The following FAM210A variants were observed in gnomAD, a reference collection of about 807,000 sequenced individuals.
FAM210A encodes the protein mitochondrial inner membrane scaffold 1.
A neutral mutation model predicts 25.3 loss-of-function variants in FAM210A; 13 were observed. The ratio of observed to expected loss-of-function variants is 0.51; its 90% CI spans 0.33 to 0.82. FAM210A has a LOEUF of 0.82. Among genes scored for constraint, FAM210A ranks in the 40% least tolerant of loss-of-function variants. The pLI is 0.02. For missense variants in FAM210A, 319 were observed against 323.2 expected (o/e 0.99, Z 0.10); for synonymous variants, 125 against 118.7 (o/e 1.05, Z -0.35).
intron 1 of FAM210A, among the ~76,000 whole-genome samples, chr18:13,721,276 C>A (rs1027322233): frequency 6.6e-6 from 1 of 152,114 alleles, no homozygotes; most frequent in African/African-American, 2.4e-5. Context: ...GATACTAAGA[C>A]AAAGCACTCA....
chr18:13,695,350 C>A (rs1025593715), intron 1 of FAM210A, among the ~76,000 whole-genome samples: 5 of 152,244 alleles, frequency 3.3e-5, no homozygotes, highest in South Asian at 2.1e-4. Context: ...TTGACCCAGC[C>A]ATCCCATTAC....
intron 3 of FAM210A, among the ~76,000 whole-genome samples, chr18:13,668,825 G>A (rs2043420905): frequency 6.6e-6 from 1 of 152,158 alleles, no homozygotes. Context: ...AAAAGTTACA[G>A]TAAAAATATG....
chr18:13,678,928 A>G (rs1204318459), intron 2 of FAM210A, among the ~76,000 whole-genome samples: 1 of 152,264 alleles, frequency 6.6e-6, no homozygotes, highest in Non-Finnish European at 1.5e-5. Flanking sequence ...CAGGGACCAC[A>G]TCATCATTGC....
intron 1 of FAM210A, among the ~76,000 whole-genome samples, chr18:13,694,560 C>T (rs1601955715): frequency 6.6e-6 from 1 of 152,118 alleles, no homozygotes; most frequent in South Asian, 2.1e-4. Flanking sequence ...GGAAATAATA[C>T]CACATATCTA....
At chr18:13,701,066 A>G (rs1045147909) in intron 1 of FAM210A, among the ~76,000 whole-genome samples, 1 of 152,202 alleles carries the variant, frequency 6.6e-6, no homozygotes, top group Non-Finnish European at 1.5e-5. Context: ...ACTCCTTTAA[A>G]TGTAATCCAG....
In FAM210A at chr18:13,674,177, C is replaced by CCCTG. The variant is rs1295667174; in HGVS notation, c.474-2208_474-2205dup. Among the ~76,000 whole-genome samples, 62 of 149,016 alleles carry CCCTG rather than the reference C, an allele frequency of 4.2e-4. No homozygotes were observed. In the South Asian group the frequency reaches 0.013, roughly 32 times the overall value. ...TTTCCTGATTATTAACATTCCTGAGCCCTGGCTTCTTTATTTCCTGTTTCC... is the reference window on the plus strand; with the variant it reads ...TTTCCTGATTATTAACATTCCTGAGCCCTGCCTGGCTTCTTTATTTCCTGTTTCC... On this transcript the variant is annotated intron_variant, in intron 2 of 3. Transcript: ENST00000651643.
At chr18:13,692,549 ACTGT>A (rs1375005038) in intron 1 of FAM210A, among the ~76,000 whole-genome samples, 1 of 152,204 alleles carries the variant, frequency 6.6e-6, no homozygotes, top group East Asian at 1.9e-4. Context: ...ATTATAACAA[ACTGT>A]CTCTCAGACC....
chr18:13,715,043 A>G (rs1417586745), intron 1 of FAM210A: 1 of 152,168 alleles, frequency 6.6e-6, no homozygotes, highest in African/African-American at 2.4e-5. Flanking sequence ...TAACCTAGTT[A>G]TATAATGTAC....
chr18:13,711,614 T>C (rs1430195146), intron 1 of FAM210A, among the ~76,000 whole-genome samples: 1 of 152,206 alleles, frequency 6.6e-6, no homozygotes, highest in Non-Finnish European at 1.5e-5. Context: ...AGCTCCTTTC[T>C]TCTGCTTTTC....
intron 3 of FAM210A, among the ~76,000 whole-genome samples, chr18:13,670,329 A>C (rs1035961732): frequency 1.3e-5 from 2 of 152,242 alleles, no homozygotes; most frequent in Non-Finnish European, 2.9e-5. Flanking sequence ...CCATAATTAG[A>C]AACTTGATAA....
intron 2 of FAM210A, 80 bp from the exon 3 acceptor site, chr18:13,672,053 A>C: frequency 1.0e-6 from 1 of 964,960 alleles, no homozygotes; most frequent in Non-Finnish European, 1.6e-6. Flanking sequence ...TACCAAAACC[A>C]CACTATAATT....
At position 13,666,542 on chromosome 18, in the gene FAM210A, T is replaced by C; in HGVS notation, c.757A>G (p.Arg253Gly). The change falls in exon 4 of 4, where the codon AGA (arginine) becomes GGA (glycine). Residue 253 changes from arginine (R) to glycine (G), a missense_variant. By Grantham distance (125) the Arg-to-Gly change is moderately radical. Coordinates refer to ENST00000651643, the MANE Select transcript of FAM210A (RefSeq NM_152352.4). The part of the protein sequence containing the change: ...ITEKMEETKD[R>G]LTEKLQETKE... ...GTTTCTTGTAACTTTTCAGTGAGTC[T>C]ATCTTTTGTTTCTTCCATTTTCTCT... 6.2e-7 allele frequency: 1 copy of C among 1,614,238 alleles called. No homozygotes were observed. The highest frequency in any genetic ancestry group is 8.5e-7 in the Non-Finnish European group (1 of 1,180,042).
rs547468481 is a variant in FAM210A, at chr18:13,720,772, C to T, written c.-29+5557G>A. On this transcript the variant is annotated intron_variant, in intron 1 of 3. Coordinates refer to ENST00000651643, the MANE Select transcript of FAM210A (RefSeq NM_152352.4). ...TTACAAAACAGAAATGTACTGTCTCCAGCTCTGGGGTTAGAAGTCCAAGAT... is the reference window on the plus strand; with the variant it reads ...TTACAAAACAGAAATGTACTGTCTCTAGCTCTGGGGTTAGAAGTCCAAGAT... 8.5e-5 allele frequency among the ~76,000 whole-genome samples: 13 copies of T among 152,278 alleles called. No homozygotes were observed. The South Asian group carries it at 2.7e-3, about 32-fold the overall frequency.
At chr18:13,692,442 A>T (rs1388500920) in intron 1 of FAM210A, among the ~76,000 whole-genome samples, 1 of 152,226 alleles carries the variant, frequency 6.6e-6, no homozygotes, top group Non-Finnish European at 1.5e-5. Flanking sequence ...CCAAATCAAC[A>T]GAATATACAT....
intron 2 of FAM210A, among the ~76,000 whole-genome samples, chr18:13,677,136 G>A (rs376442959): frequency 1.9e-4 from 29 of 150,500 alleles, no homozygotes; most frequent in African/African-American, 6.6e-4. Flanking sequence ...GTGCAGTGGC[G>A]CAATCTCGGC....
rs2043515568 is a variant in FAM210A at position 13,677,505 on chromosome 18, C to T, written c.473+4100G>A. Among the ~76,000 whole-genome samples the T allele has an allele frequency of 2.0e-5, 3 of 152,226 alleles. No homozygotes were observed. In the South Asian group the frequency reaches 6.2e-4, roughly 31 times the overall value. ...CAGAACAGAACAGAACACAACACAA[C>T]AGAACAGAACAGGGATTTTCACAGT... On this transcript the variant is annotated intron_variant, in intron 2 of 3. Coordinates refer to ENST00000651643, the MANE Select transcript of FAM210A (RefSeq NM_152352.4).
At chr18:13,685,180 C>T (rs2043586345) in intron 1 of FAM210A, among the ~76,000 whole-genome samples, 1 of 152,054 alleles carries the variant, frequency 6.6e-6, no homozygotes, top group South Asian at 2.1e-4. Context: ...ATATAAATGG[C>T]TACTTTCCAA....
chr18:13,672,388 T>G (rs1250033470), intron 2 of FAM210A, among the ~76,000 whole-genome samples: 2 of 152,226 alleles, frequency 1.3e-5, no homozygotes, highest in Non-Finnish European at 2.9e-5. Flanking sequence ...ATTTTTACCT[T>G]TAAAATTACA....
chr18:13,671,636 C>T (rs1016132125), intron 3 of FAM210A, among the ~76,000 whole-genome samples: 2 of 151,100 alleles, frequency 1.3e-5, no homozygotes, highest in Non-Finnish European at 2.9e-5. Flanking sequence ...TTGCAGTGAG[C>T]CGAGATGGCA....
Sources: gnomAD v4.1 joint callset for allele counts (sites outside exome capture counted in the v4.1 genomes callset) on GRCh38, gnomAD v4.1.1 for gene constraint, MANE v1.5 for transcripts, NCBI Gene and HGNC (gene_info 2026-07-23, HGNC 2026-07-21) for gene names.